The following ASIC2 variants were observed in gnomAD, a reference collection of about 807,000 sequenced individuals.
ASIC2 encodes acid-sensing ion channel 2.
A neutral mutation model predicts 57.3 loss-of-function variants in ASIC2; 25 were observed. The ratio of observed to expected loss-of-function variants is 0.44; its 90% CI spans 0.32 to 0.61. ASIC2 has a LOEUF of 0.61. ASIC2 is among the 20% of genes least tolerant of loss of function. The pLI, the probability that ASIC2 is intolerant of heterozygous loss-of-function variation, is 0.06. For missense variants in ASIC2, 641 were observed against 738.1 expected (o/e 0.87, Z 1.52); for synonymous variants, 319 against 307.5 (o/e 1.04, Z -0.39).
At chr17:33,381,804 C>T (rs1253611229) in intron 1 of ASIC2, among the ~76,000 whole-genome samples, 4 of 152,174 alleles carry the variant, frequency 2.6e-5, no homozygotes, top group Admixed American at 2.0e-4. Context: ...CATTACTAGC[C>T]GAATGGCCTA....
At position 33,015,998 on chromosome 17, in the gene ASIC2, C is replaced by T. The variant is rs2091803807; in HGVS notation, c.1563G>A (p.Glu521=). The part of the protein sequence containing the change: ...EKLLDLLGKE[E]DEGSHDENVS... The stretch of plus-strand genomic sequence containing the variant: ...CATTCTCATCGTGGCTCCCTTCGTC[C>T]TCCTCTTTGCCAAGCAGGTCTAATA... Residue 521 remains glutamate, a synonymous_variant, in exon 9 of 10, where the codon GAG becomes GAA. Transcript: ENST00000225823. 6.2e-7 allele frequency: 1 copy of T among 1,614,018 alleles called. No individual in the cohort carries two copies. The highest frequency in any genetic ancestry group is 1.3e-5 in the African/African-American group (1 of 74,942).
At chr17:33,357,474 G>T (rs1160667560) in intron 1 of ASIC2, among the ~76,000 whole-genome samples, 1 of 152,182 alleles carries the variant, frequency 6.6e-6, no homozygotes, top group East Asian at 1.9e-4. Flanking sequence ...GCTCAGGGCA[G>T]TTGGGACCAC....
intron 1 of ASIC2, among the ~76,000 whole-genome samples, chr17:33,880,892 C>T (rs534466803): frequency 6.6e-6 from 1 of 152,284 alleles, no homozygotes; most frequent in East Asian, 1.9e-4. Flanking sequence ...TCCAGCAGCA[C>T]ATCAAAAAGC....
chr17:33,776,348 A>C lies in ASIC2; in HGVS notation c.555+379630T>G, dbSNP rs561189777. ...GTCTGCCATGTAAGGTTACAGCAAA[A>C]AAATGGCAGCCTATGAGCCAGGAAG... On this transcript the variant is annotated intron_variant, in intron 1 of 9. Coordinates refer to the ASIC2 transcript ENST00000359872. Among the ~76,000 whole-genome samples, 6 of 152,264 alleles carry C rather than the reference A, an allele frequency of 3.9e-5. No homozygotes were observed. The South Asian group carries it at 1.2e-3, about 32-fold the overall frequency.
chr17:33,384,930 C>CCAT (rs1226109231), intron 1 of ASIC2, among the ~76,000 whole-genome samples: 1 of 152,116 alleles, frequency 6.6e-6, no homozygotes, highest in Non-Finnish European at 1.5e-5. Context: ...GATGTGAAGC[C>CCAT]CATCCCCCAT....
intron 1 of ASIC2, among the ~76,000 whole-genome samples, chr17:33,586,091 A>G (rs1299848472): frequency 1.3e-5 from 2 of 152,216 alleles, no homozygotes; most frequent in Non-Finnish European, 2.9e-5. Flanking sequence ...ACTCAGGAGA[A>G]GCAAGTGAAC....
intron 1 of ASIC2, among the ~76,000 whole-genome samples, chr17:33,800,765 G>A (rs984708301): frequency 4.6e-5 from 7 of 152,148 alleles, no homozygotes; most frequent in African/African-American, 1.7e-4. Flanking sequence ...ATGACCTCAT[G>A]CTAACAGCCA....
intron 1 of ASIC2, among the ~76,000 whole-genome samples, chr17:33,829,095 G>C (rs1913027387): frequency 6.6e-6 from 1 of 152,206 alleles, no homozygotes; most frequent in Non-Finnish European, 1.5e-5. Context: ...GGTTGACCCT[G>C]TCTCTGACTT....
At chr17:33,954,211 A>T (rs190993955) in intron 1 of ASIC2, among the ~76,000 whole-genome samples, 5 of 152,322 alleles carry the variant, frequency 3.3e-5, no homozygotes, top group Admixed American at 3.3e-4. Flanking sequence ...AGCAGCGGTC[A>T]ATGCAAGGCC....
At chr17:33,329,949 C>A (rs114035938) in intron 1 of ASIC2, among the ~76,000 whole-genome samples, 6 of 152,228 alleles carry the variant, frequency 3.9e-5, no homozygotes, top group Admixed American at 3.3e-4. Context: ...TCCTCTCACC[C>A]CCTATGGTTT....
chr17:34,031,367 A>G (rs1161828577), intron 1 of ASIC2, among the ~76,000 whole-genome samples: 1 of 152,160 alleles, frequency 6.6e-6, no homozygotes, highest in Non-Finnish European at 1.5e-5. Flanking sequence ...TCTGTACCTC[A>G]CCATCATCAA....
At chr17:33,284,216 C>A (rs1905063038) in intron 1 of ASIC2, among the ~76,000 whole-genome samples, 1 of 152,146 alleles carries the variant, frequency 6.6e-6, no homozygotes. Context: ...ATTTGTTTTA[C>A]CAACAATTCA....
chr17:33,598,180 A>C (rs1362610780), intron 1 of ASIC2, among the ~76,000 whole-genome samples: 3 of 152,208 alleles, frequency 2.0e-5, no homozygotes, highest in Non-Finnish European at 4.4e-5. Context: ...ATTCTGTGGC[A>C]CACCATTTGG....
chr17:33,544,803 G>A (rs944470966), intron 1 of ASIC2, among the ~76,000 whole-genome samples: 13 of 151,814 alleles, frequency 8.6e-5, no homozygotes, highest in Admixed American at 3.3e-4. Context: ...AATATAGGTC[G>A]GGTATTCCTA....
chr17:33,861,169 T>G (rs1310852849), intron 1 of ASIC2, among the ~76,000 whole-genome samples: 1 of 152,198 alleles, frequency 6.6e-6, no homozygotes, highest in Non-Finnish European at 1.5e-5. Context: ...TAGCAGAATA[T>G]TAAAAACAAT....
At chr17:33,272,252 T>G (rs1430138996) in intron 1 of ASIC2, among the ~76,000 whole-genome samples, 1 of 152,240 alleles carries the variant, frequency 6.6e-6, no homozygotes, top group African/African-American at 2.4e-5. Flanking sequence ...TCTGAAATTA[T>G]GGCATTTGTT....
At chr17:33,102,401 T>C (rs112061787) in intron 2 of ASIC2, among the ~76,000 whole-genome samples, 2,348 of 152,294 alleles carry the variant, frequency 0.015, 45 homozygotes, top group Admixed American at 0.046. Flanking sequence ...ACTTTAAAGA[T>C]TTTTTTCTTT....
At chr17:34,004,897 G>C (rs1286096149) in intron 1 of ASIC2, 1 of 152,136 alleles carries the variant, frequency 6.6e-6, no homozygotes, top group Non-Finnish European at 1.5e-5. Context: ...TAGGGAGGTA[G>C]AGTTCCCAAG....
At chr17:33,436,853 C>CTTTTTTTTTTTTTTT (rs71144877) in intron 1 of ASIC2, among the ~76,000 whole-genome samples, 1 of 66,596 alleles carries the variant, frequency 1.5e-5, no homozygotes, top group Non-Finnish European at 3.0e-5. Flanking sequence ...ATTCCAACTT[C>CTTTTTTTTTTTTTTT]TTTTTTTTTT....
Sources: gnomAD v4.1 joint callset for allele counts (sites outside exome capture counted in the v4.1 genomes callset) on GRCh38, gnomAD v4.1.1 for gene constraint, MANE v1.5 for transcripts, NCBI Gene and HGNC (gene_info 2026-07-23, HGNC 2026-07-21) for gene names.